The following CTNND2 variants were observed in gnomAD, a reference collection of about 807,000 sequenced individuals.
CTNND2 encodes catenin delta 2, also known as catenin delta-2.
Under a neutral mutation model 144.4 loss-of-function variants are expected in CTNND2, and 22 were observed. The observed-to-expected ratio is 0.15, with a 90% CI of 0.11 to 0.22. The LOEUF is 0.22. Ranked by LOEUF, CTNND2 falls within the 10% of genes least tolerant of loss-of-function variation. The probability of loss-of-function intolerance (pLI) is 1.00; values close to 1 mark genes in which losing one functional copy is unlikely to be tolerated. For synonymous variants in CTNND2, 751 were observed against 695.6 expected, an observed-to-expected ratio of 1.08 and a Z score of -1.25; for missense variants, 1,353 against 1,618.8, an observed-to-expected ratio of 0.84 and a Z score of 2.82.
At chr5:11,381,015 T>C (rs1480499240) in intron 7 of CTNND2, among the ~76,000 whole-genome samples, 1 of 152,154 alleles carries the variant, frequency 6.6e-6, no homozygotes, top group Non-Finnish European at 1.5e-5. Flanking sequence ...TCCCTCTCAA[T>C]TGATGGTGAC....
chr5:11,112,703 G>A (rs755773003), intron 13 of CTNND2, among the ~76,000 whole-genome samples: 36 of 152,212 alleles, frequency 2.4e-4, no homozygotes, highest in Non-Finnish European at 3.8e-4. Context: ...GGCACAGTGC[G>A]GAGCTCCAGA....
At chr5:11,806,109 G>T (rs1791981526) in intron 1 of CTNND2, among the ~76,000 whole-genome samples, 1 of 152,094 alleles carries the variant, frequency 6.6e-6, no homozygotes, top group African/African-American at 2.4e-5. Flanking sequence ...GATCCTAGAA[G>T]AGACAAAAAG....
At chr5:11,368,164 C>T (rs1344552695) in intron 7 of CTNND2, among the ~76,000 whole-genome samples, 2 of 152,106 alleles carry the variant, frequency 1.3e-5, no homozygotes, top group East Asian at 1.9e-4. Context: ...TTGGAATTTC[C>T]CTAGATATGT....
chr5:11,841,082 T>C (rs1327248959), intron 1 of CTNND2, among the ~76,000 whole-genome samples: 1 of 152,166 alleles, frequency 6.6e-6, no homozygotes, highest in African/African-American at 2.4e-5. Flanking sequence ...AACTACTGTA[T>C]TAATTACCCA....
intron 2 of CTNND2, among the ~76,000 whole-genome samples, chr5:11,604,911 C>T (rs935630472): frequency 3.3e-5 from 5 of 152,192 alleles, no homozygotes; most frequent in Non-Finnish European, 7.3e-5. Context: ...ATTTATTTAT[C>T]TGTGCTTTAA....
intron 10 of CTNND2, among the ~76,000 whole-genome samples, chr5:11,201,829 C>T (rs1737472559): frequency 6.6e-6 from 1 of 152,120 alleles, no homozygotes; most frequent in African/African-American, 2.4e-5. Context: ...CAACTTTACC[C>T]AACTTACAGT....
intron 10 of CTNND2, among the ~76,000 whole-genome samples, chr5:11,228,264 G>A (rs1371927088): frequency 7.0e-6 from 1 of 142,120 alleles, no homozygotes; most frequent in Non-Finnish European, 1.5e-5. Flanking sequence ...AGAATCACTT[G>A]TACCCAGGGG....
chr5:11,045,486 C>G (rs1400655524), intron 16 of CTNND2, among the ~76,000 whole-genome samples: 1 of 152,150 alleles, frequency 6.6e-6, no homozygotes, highest in African/African-American at 2.4e-5. Context: ...CCCTGTGACC[C>G]ACATACCTCC....
intron 15 of CTNND2, among the ~76,000 whole-genome samples, chr5:11,087,415 T>C (rs1377831217): frequency 6.6e-6 from 1 of 152,236 alleles, no homozygotes; most frequent in African/African-American, 2.4e-5. Flanking sequence ...CTAGAATGGA[T>C]TATTATTTGA....
In CTNND2 at chr5:11,221,535, G is replaced by C. The variant is rs114416973; in HGVS notation, c.1761+15156C>G. On this transcript the variant is annotated intron_variant, in intron 10 of 21. Coordinates refer to ENST00000304623, the MANE Select transcript of CTNND2 (RefSeq NM_001332.4). ...TTGCATAGGGTGGATTAATGAAACA[G>C]AGATTGCAAAAACATAGGAAAGCTC... Among the ~76,000 whole-genome samples, 109 of 152,304 alleles carry C rather than the reference G, an allele frequency of 7.2e-4. 1 individual carries two copies. Among genetic ancestry groups the C allele is most frequent in the African/African-American group, 2.5e-3 (105 of 41,572 alleles).
chr5:11,007,008 C>A (rs1014666004), intron 18 of CTNND2, among the ~76,000 whole-genome samples: 1 of 152,040 alleles, frequency 6.6e-6, no homozygotes, highest in Non-Finnish European at 1.5e-5. Flanking sequence ...AAAGTAAGCA[C>A]AAAGTGAAAC....
At chr5:11,484,681 G>C (rs1768632925) in intron 3 of CTNND2, among the ~76,000 whole-genome samples, 1 of 152,066 alleles carries the variant, frequency 6.6e-6, no homozygotes, top group South Asian at 2.1e-4. Context: ...AACTATTCTA[G>C]AATATAAAGA....
chr5:11,172,228 T>G (rs1041618895), intron 11 of CTNND2, among the ~76,000 whole-genome samples: 1 of 152,112 alleles, frequency 6.6e-6, no homozygotes, highest in Non-Finnish European at 1.5e-5. Flanking sequence ...GAGGGACCAC[T>G]GGGGCTGGGA....
intron 3 of CTNND2, among the ~76,000 whole-genome samples, chr5:11,425,480 C>T (rs956758474): frequency 1.2e-4 from 19 of 152,138 alleles, no homozygotes; most frequent in South Asian, 4.1e-4. Flanking sequence ...CCACCTTCTC[C>T]GGGTACACAG....
intron 1 of CTNND2, among the ~76,000 whole-genome samples, chr5:11,746,571 C>T (rs1677354903): frequency 6.6e-6 from 1 of 152,074 alleles, no homozygotes; most frequent in Non-Finnish European, 1.5e-5. Flanking sequence ...GATAAATTTT[C>T]TGTCATTTGC....
rs749312803 is a variant in CTNND2 at position 11,022,911 on chromosome 5, T to C, written c.2857A>G (p.Lys953Glu). The C allele has an allele frequency of 1.2e-6, 2 of 1,614,256 alleles. No homozygotes were observed. Among genetic ancestry groups the C allele is most frequent in the Admixed American group, 3.3e-5 (2 of 60,036 alleles). The change falls in exon 17 of 22, where the codon AAG becomes GAG. Residue 953 changes from lysine (K) to glutamate (E), a missense_variant. Transcript: ENST00000304623. ...GGNNSNNTAS[K>E]AMSDDTVTAV... Reference sequence around the variant, plus strand: ...GTCACTGTGTCATCCGACATGGCCTTGCTTGCAGTGTTGTTGCTGTTGTTC... The same window carrying C: ...GTCACTGTGTCATCCGACATGGCCTCGCTTGCAGTGTTGTTGCTGTTGTTC...
At chr5:11,731,691 C>A (rs1389951068) in intron 2 of CTNND2, among the ~76,000 whole-genome samples, 6 of 152,150 alleles carry the variant, frequency 3.9e-5, no homozygotes, top group African/African-American at 1.4e-4. Context: ...CCTTCCAGAT[C>A]CATCTCAGAA....
At chr5:11,364,659 T>G (rs1261670809) in intron 8 of CTNND2, 37 bp downstream of exon 8, 1 of 1,555,614 alleles carries the variant, frequency 6.4e-7, no homozygotes, top group Middle Eastern at 2.2e-4. Flanking sequence ...GCCCACCCCC[T>G]GTGGACAGGC....
At position 11,500,965 on chromosome 5, in the gene CTNND2, C is replaced by A. The variant is rs189024420; in HGVS notation, c.287+63979G>T. Among the ~76,000 whole-genome samples the A allele has an allele frequency of 3.7e-4, 56 of 152,282 alleles. 1 individual carries two copies. The East Asian group carries it at 7.7e-3, about 21-fold the overall frequency. Reference sequence around the variant, plus strand: ...AACATTAGCATGTCAGCTATAAATACCTCTTAATTTGTAATTAATCAAAAA... The same window carrying A: ...AACATTAGCATGTCAGCTATAAATAACTCTTAATTTGTAATTAATCAAAAA... On this transcript the variant is annotated intron_variant, in intron 3 of 21. Coordinates refer to ENST00000304623, the MANE Select transcript of CTNND2 (RefSeq NM_001332.4).
Sources: allele counts gnomAD v4.1 joint callset (sites outside exome capture counted in the v4.1 genomes callset), GRCh38; gene constraint gnomAD v4.1.1; transcripts MANE v1.5; gene names NCBI Gene and HGNC (gene_info 2026-07-23, HGNC 2026-07-21).